The following ANP32A variants were observed in gnomAD, a reference collection of about 807,000 sequenced individuals.
ANP32A encodes acidic leucine-rich nuclear phosphoprotein 32 family member A.
Under a neutral mutation model 33.9 loss-of-function variants are expected in ANP32A, and 1 was observed. That is an observed-to-expected ratio of 0.03 (90% confidence interval 0.01 to 0.14). ANP32A has a LOEUF of 0.14. ANP32A is among the 10% of genes least tolerant of loss of function. ANP32A has a pLI of 1.00. For missense variants in ANP32A, 155 were observed against 306.0 expected (o/e 0.51, Z 3.68); for synonymous variants, 115 against 120.5 (o/e 0.95, Z 0.30).
chr15:68,817,531 T>C (rs1894399881), intron 1 of ANP32A: 1 of 152,548 alleles, frequency 6.6e-6, no homozygotes, highest in Non-Finnish European at 1.5e-5. Context: ...AAGAACCTCA[T>C]GTTTAATGTT....
At chr15:68,816,741 C>T (rs1459929595) in intron 1 of ANP32A, among the ~76,000 whole-genome samples, 1 of 152,170 alleles carries the variant, frequency 6.6e-6, no homozygotes, top group East Asian at 1.9e-4. Context: ...GGCAGGTAAA[C>T]GTATCCTACC....
intron 1 of ANP32A, among the ~76,000 whole-genome samples, chr15:68,818,821 C>T (rs1450464885): frequency 6.6e-6 from 1 of 151,802 alleles, no homozygotes; most frequent in Non-Finnish European, 1.5e-5. Flanking sequence ...ACCGCGGCCC[C>T]GGCCCCCTCC....
At chr15:68,801,206 G>GGA (rs1894130312) in intron 1 of ANP32A, among the ~76,000 whole-genome samples, 1 of 138,796 alleles carries the variant, frequency 7.2e-6, no homozygotes, top group African/African-American at 2.8e-5. Flanking sequence ...CTGCCTTAAA[G>GGA]GAAGAAGAAG....
intron 1 of ANP32A, among the ~76,000 whole-genome samples, chr15:68,819,403 G>A (rs1161660196): frequency 6.6e-6 from 1 of 152,206 alleles, no homozygotes; most frequent in Non-Finnish European, 1.5e-5. Flanking sequence ...CTCCTCAGGG[G>A]TAAGCTTTCG....
rs539297098 is a variant in ANP32A at position 68,800,561 on chromosome 15, G to A, written c.55-12642C>T. On this transcript the variant is annotated intron_variant, in intron 1 of 6. Coordinates refer to ENST00000465139, the MANE Select transcript of ANP32A (RefSeq NM_006305.4). ...AGATCAAGACCATTCTGGCTAACAC[G>A]GTGAAACCCCGACTCTACTAAAAAT... is the stretch of plus-strand genomic sequence containing the variant. 2.8e-3 allele frequency among the ~76,000 whole-genome samples: 419 copies of A among 151,858 alleles called. 4 individuals are homozygous for A. The highest frequency in any genetic ancestry group is 9.7e-3 in the African/African-American group (403 of 41,450).
intron 1 of ANP32A, among the ~76,000 whole-genome samples, chr15:68,788,267 C>A (rs531810918): frequency 1.3e-5 from 2 of 152,196 alleles, no homozygotes; most frequent in Non-Finnish European, 2.9e-5. Context: ...ACCCTGCTCT[C>A]GCATTCTCCC....
At position 68,818,708 on chromosome 15, in the gene ANP32A, C is replaced by A. The variant is rs372384205; in HGVS notation, c.54+1990G>T. On this transcript the variant is annotated intron_variant, in intron 1 of 6. Coordinates refer to ENST00000465139, the MANE Select transcript of ANP32A (RefSeq NM_006305.4). The stretch of plus-strand genomic sequence containing the variant: ...GGGGGCCGGCAGCGTCGGTCGGGTT[C>A]GCCAGGCCAGCCGCGCCCCCGCACC... 1.9e-3 allele frequency among the ~76,000 whole-genome samples: 292 copies of A among 152,154 alleles called. 5 individuals are homozygous for A. In the East Asian group the frequency reaches 0.051, roughly 27 times the overall value.
intron 1 of ANP32A, among the ~76,000 whole-genome samples, chr15:68,811,792 T>A (rs1036775494): frequency 6.6e-6 from 1 of 152,210 alleles, no homozygotes; most frequent in African/African-American, 2.4e-5. Context: ...TGGAATGCAG[T>A]GGCACGATAT....
At chr15:68,807,548 C>A (rs967445461) in intron 1 of ANP32A, among the ~76,000 whole-genome samples, 1 of 152,168 alleles carries the variant, frequency 6.6e-6, no homozygotes, top group Non-Finnish European at 1.5e-5. Context: ...TTGCTCCCAC[C>A]CCAGCAAGCA....
At chr15:68,818,313 C>A (rs1231894394) in intron 1 of ANP32A, 3 of 234,966 alleles carry the variant, frequency 1.3e-5, no homozygotes, top group Non-Finnish European at 2.7e-5. Flanking sequence ...GGAGAGGTGC[C>A]GAAGGTGGGT....
At position 68,779,291 on chromosome 15, in the gene ANP32A, C is replaced by T. The variant is rs961065327; in HGVS notation, c.*790G>A. ...TCTCATCATTTTTTGTAAAACAAAG[C>T]GTTCTAATATTTTACAGAACAAGAT... On this transcript the variant is annotated 3_prime_UTR_variant, in exon 7 of 7. Coordinates refer to ENST00000465139, the MANE Select transcript of ANP32A (RefSeq NM_006305.4). 7 of 151,920 alleles carry T rather than the reference C, an allele frequency of 4.6e-5. No homozygotes were observed. Among genetic ancestry groups the T allele is most frequent in the Non-Finnish European group, 5.9e-5 (4 of 67,978 alleles). 9.4% of individuals were successfully genotyped at this position (151,920 alleles called of 1,614,324 possible).
In ANP32A at chr15:68,779,966, G is replaced by T; in HGVS notation, c.*115C>A. On this transcript the variant is annotated 3_prime_UTR_variant, in exon 7 of 7. Transcript: ENST00000465139. Reference sequence around the variant, plus strand: ...CTTCCCCTCTCGTTCCCACAGCAACGTTACAATCAGAAAAAAATAAGTTTC... The same window carrying T: ...CTTCCCCTCTCGTTCCCACAGCAACTTTACAATCAGAAAAAAATAAGTTTC... The T allele has an allele frequency of 2.9e-6, 2 of 700,222 alleles. No individual in the cohort carries two copies. The highest frequency in any genetic ancestry group is 4.2e-6 in the Non-Finnish European group (2 of 474,124). 43.4% of individuals were successfully genotyped at this position (700,222 alleles called of 1,614,324 possible).
chr15:68,805,934 G>A (rs1894215271), intron 1 of ANP32A, among the ~76,000 whole-genome samples: 2 of 152,180 alleles, frequency 1.3e-5, no homozygotes. Flanking sequence ...CTAGTTCCTA[G>A]AACAGAACCC....
chr15:68,807,650 C>T (rs1189066604), intron 1 of ANP32A, among the ~76,000 whole-genome samples: 7 of 152,158 alleles, frequency 4.6e-5, no homozygotes, highest in Non-Finnish European at 1.5e-5. Flanking sequence ...CTTCAGGGTC[C>T]GTCTACAACC....
chr15:68,813,303 G>A (rs527435860), intron 1 of ANP32A, among the ~76,000 whole-genome samples: 2 of 152,314 alleles, frequency 1.3e-5, no homozygotes, highest in African/African-American at 4.8e-5. Flanking sequence ...ATATCATCAG[G>A]ACAACTAGTT....
chr15:68,798,701 C>G (rs192405940), intron 1 of ANP32A, among the ~76,000 whole-genome samples: 284 of 152,254 alleles, frequency 1.9e-3, no homozygotes, highest in African/African-American at 6.8e-3. Context: ...TAGGAAGAGC[C>G]CAGACCTGAG....
Position 68,780,028 on chromosome 15 carries a change from T to C in ANP32A, c.*53A>G, listed in dbSNP as rs1893846956. ...TTGGAGGGGGGGGGGAGAGGGGATA[T>C]GGGTAAAAACAGTCAAATCACAATA... On this transcript the variant is annotated 3_prime_UTR_variant, in exon 7 of 7. Coordinates refer to ENST00000465139, the MANE Select transcript of ANP32A (RefSeq NM_006305.4). This position sits in a 1 kb window ranked among gnomAD's most constrained non-coding sequence, Gnocchi z 4.3. 2.6e-6 allele frequency: 4 copies of C among 1,520,734 alleles called. No individual in the cohort carries two copies. The highest frequency in any genetic ancestry group is 3.6e-6 in the Non-Finnish European group (4 of 1,103,880). The allele number at this position is 1,520,734 out of a possible 1,614,324, so 94.2% of individuals were successfully genotyped here. A position where few individuals can be genotyped will look rare whatever the true frequency, so the allele number is the denominator to read the frequency against.
chr15:68,800,762 G>C, intron 1 of ANP32A, among the ~76,000 whole-genome samples: 1 of 90,350 alleles, frequency 1.1e-5, no homozygotes, highest in Non-Finnish European at 2.4e-5. Context: ...AAAAAAGAAA[G>C]AAAAGAAAAG....
chr15:68,805,448 T>C (rs77247539), intron 1 of ANP32A, among the ~76,000 whole-genome samples: 2,966 of 152,300 alleles, frequency 0.019, 100 homozygotes, highest in African/African-American at 0.069. Flanking sequence ...ATAAATGCAA[T>C]TTGGAAGTCT....
Sources: gnomAD v4.1 joint callset for allele counts (sites outside exome capture counted in the v4.1 genomes callset) on GRCh38, gnomAD v4.1.1 for gene constraint, Gnocchi (gnomAD v3.1) non-coding constraint, MANE v1.5 for transcripts, NCBI Gene and HGNC (gene_info 2026-07-23, HGNC 2026-07-21) for gene names.